The following PTPRT variants were observed in gnomAD, a reference collection of about 807,000 sequenced individuals.
PTPRT encodes protein tyrosine phosphatase receptor type T.
A neutral mutation model predicts 176.8 loss-of-function variants in PTPRT; 56 were observed. The observed-to-expected ratio is 0.32, with a 90% CI of 0.26 to 0.40. PTPRT has a LOEUF of 0.40. Among genes scored for constraint, PTPRT ranks in the 10% least tolerant of loss-of-function variants. The pLI is 1.00. For synonymous variants in PTPRT, 783 were observed against 739.0 expected, an observed-to-expected ratio of 1.06 and a Z score of -0.96; for missense variants, 1,540 against 1,908.2, an observed-to-expected ratio of 0.81 and a Z score of 3.60.
At position 42,962,796 on chromosome 20, in the gene PTPRT, G is replaced by A. The variant is rs540301441; in HGVS notation, c.89-76864C>T. Among the ~76,000 whole-genome samples the A allele has an allele frequency of 3.9e-5, 6 of 152,260 alleles. 1 individual carries two copies. The highest frequency in any genetic ancestry group is 4.8e-5 in the African/African-American group (2 of 41,546). ...AGAAATGCCTAACCAGGCCAGGCGC[G>A]GTGGCTCACGCCTGTACTCCCAACA... On this transcript the variant is annotated intron_variant, in intron 1 of 30. Coordinates refer to ENST00000373187, the MANE Select transcript of PTPRT (RefSeq NM_007050.6).
chr20:42,920,838 G>A (rs1171534292), intron 1 of PTPRT, among the ~76,000 whole-genome samples: 1 of 152,086 alleles, frequency 6.6e-6, no homozygotes, highest in Non-Finnish European at 1.5e-5. Context: ...AGACCAAGAG[G>A]GTTTAATTAA....
chr20:42,248,248 T>C (rs1040761783), intron 14 of PTPRT, among the ~76,000 whole-genome samples: 11 of 152,178 alleles, frequency 7.2e-5, no homozygotes, highest in African/African-American at 2.2e-4. Context: ...GATGCTATTA[T>C]TTGACCAGTG....
chr20:42,651,134 T>G (rs1012803949), intron 7 of PTPRT, among the ~76,000 whole-genome samples: 1 of 152,130 alleles, frequency 6.6e-6, no homozygotes, highest in African/African-American at 2.4e-5. Context: ...AAAAGCATTT[T>G]GATAAAGGAA....
rs143999675 is a variant in PTPRT at position 42,089,032 on chromosome 20, C to G, written c.3847-3179G>C. The stretch of plus-strand genomic sequence containing the variant: ...AAGTATGCAAGGTTAAGCTTCAGAA[C>G]GCAATGATGCCTTGCTTTCCTGGCG... On this transcript the variant is annotated intron_variant, in intron 27 of 30. Transcript: ENST00000373187. 9.8e-5 allele frequency among the ~76,000 whole-genome samples: 15 copies of G among 152,292 alleles called. No homozygotes were observed. In the East Asian group the frequency reaches 2.7e-3, roughly 27 times the overall value.
chr20:42,368,869 G>A (rs1423007850), intron 9 of PTPRT, among the ~76,000 whole-genome samples: 1 of 152,140 alleles, frequency 6.6e-6, no homozygotes, highest in African/African-American at 2.4e-5. Context: ...TGTCTCACTG[G>A]GTTCACTGTT....
At chr20:42,276,558 T>TATAA in intron 13 of PTPRT, among the ~76,000 whole-genome samples, 1 of 91,312 alleles carries the variant, frequency 1.1e-5, no homozygotes, top group Non-Finnish European at 2.3e-5. Context: ...TATATATATA[T>TATAA]AATGTTCTTG....
intron 7 of PTPRT, among the ~76,000 whole-genome samples, chr20:42,539,107 C>T (rs1420275058): frequency 6.6e-6 from 1 of 152,118 alleles, no homozygotes; most frequent in African/African-American, 2.4e-5. Flanking sequence ...TCATGTTGTT[C>T]TTAATACTGG....
chr20:42,588,688 T>A (rs144133040), intron 7 of PTPRT, among the ~76,000 whole-genome samples: 5 of 152,166 alleles, frequency 3.3e-5, no homozygotes, highest in African/African-American at 1.2e-4. Context: ...TTTAAAAATA[T>A]AGCTACTAGA....
the PTPRT span, chr20:42,063,598 T>C: frequency 6.6e-6 from 1 of 152,238 alleles, no homozygotes; most frequent in African/African-American, 2.4e-5. Flanking sequence ...GGAAATTATA[T>C]TAAAATTGGT....
intron 15 of PTPRT, among the ~76,000 whole-genome samples, chr20:42,229,609 G>A (rs1406916510): frequency 6.6e-6 from 1 of 152,194 alleles, no homozygotes; most frequent in Non-Finnish European, 1.5e-5. Flanking sequence ...GAAAGGAGCA[G>A]TCTCTTATTT....
At chr20:42,108,348 T>A (rs1986673437) in intron 23 of PTPRT, among the ~76,000 whole-genome samples, 1 of 152,148 alleles carries the variant, frequency 6.6e-6, no homozygotes, top group African/African-American at 2.4e-5. Flanking sequence ...CTGCATGACC[T>A]CGGGCAAATG....
chr20:42,555,104 A>G (rs2145628229), intron 7 of PTPRT, among the ~76,000 whole-genome samples: 1 of 152,278 alleles, frequency 6.6e-6, no homozygotes, highest in South Asian at 2.1e-4. Context: ...CCAGCTCTCC[A>G]ATGTGACCTT....
At chr20:42,210,311 G>A (rs1437878403) in intron 15 of PTPRT, among the ~76,000 whole-genome samples, 4 of 152,052 alleles carry the variant, frequency 2.6e-5, no homozygotes, top group Non-Finnish European at 4.4e-5. Flanking sequence ...AATGAGGCAG[G>A]AGAAGGAAAT....
intron 6 of PTPRT, among the ~76,000 whole-genome samples, chr20:42,729,946 T>C (rs2076435790): frequency 6.6e-6 from 1 of 152,192 alleles, no homozygotes; most frequent in Non-Finnish European, 1.5e-5. Flanking sequence ...ACAAGGATGA[T>C]AACCTCTGCC....
intron 4 of PTPRT, among the ~76,000 whole-genome samples, chr20:42,773,863 A>G (rs970037583): frequency 9.2e-5 from 14 of 152,188 alleles, no homozygotes; most frequent in Non-Finnish European, 1.5e-4. Flanking sequence ...TAGTTTTACA[A>G]AGAAATGCTC....
intron 16 of PTPRT, among the ~76,000 whole-genome samples, chr20:42,166,164 G>T (rs968072942): frequency 6.6e-6 from 1 of 152,184 alleles, no homozygotes; most frequent in Non-Finnish European, 1.5e-5. Flanking sequence ...GGTGCACACA[G>T]ACTTATCCAG....
chr20:42,892,393 C>T (rs2079208939), intron 1 of PTPRT, among the ~76,000 whole-genome samples: 1 of 151,874 alleles, frequency 6.6e-6, no homozygotes, highest in Admixed American at 6.6e-5. Context: ...ACCCAGCATT[C>T]TTTTGAACAC....
At chr20:43,053,221 C>A (rs772979264) in intron 1 of PTPRT, among the ~76,000 whole-genome samples, 1 of 152,164 alleles carries the variant, frequency 6.6e-6, no homozygotes, top group Non-Finnish European at 1.5e-5. Flanking sequence ...CTCTCTTCCC[C>A]ATCACTCACC....
chr20:42,800,931 C>T (rs778384683), intron 2 of PTPRT, among the ~76,000 whole-genome samples: 3 of 152,092 alleles, frequency 2.0e-5, no homozygotes, highest in Admixed American at 6.5e-5. Context: ...TCCCTTACCA[C>T]GACTGGGTCT....
Sources: gnomAD v4.1 joint callset for allele counts (sites outside exome capture counted in the v4.1 genomes callset) on GRCh38, gnomAD v4.1.1 for gene constraint, MANE v1.5 for transcripts, NCBI Gene and HGNC (gene_info 2026-07-23, HGNC 2026-07-21) for gene names.